The following PHGDH variants were observed in gnomAD, a reference collection of about 807,000 sequenced individuals.
PHGDH encodes the protein D-3-phosphoglycerate dehydrogenase.
In PHGDH, 50 loss-of-function variants were observed where a neutral mutation model predicts 52.6. The ratio of observed to expected loss-of-function variants is 0.95; its 90% CI spans 0.76 to 1.20. The LOEUF (loss-of-function observed/expected upper bound fraction) is 1.20, where lower values mean the gene tolerates loss of function less well. Ranked by LOEUF, PHGDH falls within the 50% of genes most tolerant of loss-of-function variation. The pLI, the probability that PHGDH is intolerant of heterozygous loss-of-function variation, is 0.00. For synonymous variants in PHGDH, 271 were observed against 280.5 expected, an observed-to-expected ratio of 0.97 and a Z score of 0.34; for missense variants, 630 against 684.6, an observed-to-expected ratio of 0.92 and a Z score of 0.89.
At chr1:119,742,083 C>G in intron 10 of PHGDH, 186 bp downstream of exon 10, 1 of 632,168 alleles carries the variant, frequency 1.6e-6, no homozygotes, top group Non-Finnish European at 2.9e-6. Flanking sequence ...CCGAGTGTTG[C>G]TAATGGCACT....
At chr1:119,732,777 C>T (rs958532988) in intron 5 of PHGDH, among the ~76,000 whole-genome samples, 2 of 152,254 alleles carry the variant, frequency 1.3e-5, no homozygotes, top group African/African-American at 2.4e-5. Context: ...GCCCCAGTCA[C>T]CTGTCTGTGG....
chr1:119,735,973 C>T (rs979170154), intron 7 of PHGDH, among the ~76,000 whole-genome samples: 23 of 152,330 alleles, frequency 1.5e-4, no homozygotes, highest in African/African-American at 4.8e-4. Flanking sequence ...GGCTCAGCCT[C>T]ACACCAGATC....
rs776887074 is a variant in PHGDH, at chr1:119,712,173, A to G, written c.138+13A>G. On this transcript the variant is annotated intron_variant, in intron 1 of 11. Coordinates refer to ENST00000641023, the MANE Select transcript of PHGDH (RefSeq NM_006623.4). Reference sequence around the variant, plus strand: ...AGCGGAGCTGCAGGTAAGGCGAGAGAGAGAAAATTGAGGTCTCTAGGGCAA... The same window carrying G: ...AGCGGAGCTGCAGGTAAGGCGAGAGGGAGAAAATTGAGGTCTCTAGGGCAA... The G allele has an allele frequency of 6.2e-7, 1 of 1,613,252 alleles. No homozygotes were observed. The highest frequency in any genetic ancestry group is 8.5e-7 in the Non-Finnish European group (1 of 1,179,600).
At chr1:119,715,496 A>G (rs1212506103) in intron 1 of PHGDH, among the ~76,000 whole-genome samples, 1 of 152,202 alleles carries the variant, frequency 6.6e-6, no homozygotes, top group African/African-American at 2.4e-5. Context: ...TGCCTTCCCT[A>G]TAGCTGGGGA....
At position 119,737,290 on chromosome 1, in the gene PHGDH, G is replaced by A. The variant is rs748533871; in HGVS notation, c.945+24G>A. On this transcript the variant is annotated intron_variant, in intron 8 of 11. Transcript: ENST00000641023. ...TTGTAAGTATCACCACCTGGGGCTG[G>A]GGGCCAGGAGTCAGAGGGAGGAGAG... 5 of 1,601,162 alleles carry A rather than the reference G, an allele frequency of 3.1e-6. No homozygotes were observed. In the African/African-American group the frequency reaches 6.7e-5, roughly 21 times the overall value.
chr1:119,734,578 T>A (rs753206676), intron 5 of PHGDH, 56 bp from the exon 6 acceptor site: 1 of 1,531,950 alleles, frequency 6.5e-7, no homozygotes, highest in Admixed American at 1.7e-5. Flanking sequence ...TTCTTAATAA[T>A]AACAATACTA....
intron 1 of PHGDH, chr1:119,720,144 T>C (rs1651085358): frequency 6.6e-6 from 1 of 152,218 alleles, no homozygotes; most frequent in Non-Finnish European, 1.5e-5. Context: ...GCAAGAATAT[T>C]CTTATTCTGG....
At chr1:119,716,278 C>T (rs989792726) in intron 1 of PHGDH, among the ~76,000 whole-genome samples, 21 of 152,224 alleles carry the variant, frequency 1.4e-4, no homozygotes, top group African/African-American at 4.6e-4. Context: ...TGACTGGGGA[C>T]TCTTAGTTTC....
intron 1 of PHGDH, 84 bp downstream of exon 1, chr1:119,712,244 T>G: frequency 3.6e-6 from 4 of 1,119,646 alleles, no homozygotes; most frequent in East Asian, 3.3e-5. Context: ...CGCGCCCCCC[T>G]CGCATGCACC....
chr1:119,743,374 A>G (rs1249975434), intron 11 of PHGDH, among the ~76,000 whole-genome samples: 7 of 152,180 alleles, frequency 4.6e-5, no homozygotes, highest in Non-Finnish European at 1.0e-4. Flanking sequence ...GCTCAGGGAC[A>G]TTGAGTGCAG....
chr1:119,720,724 T>A, intron 1 of PHGDH: 1 of 244,806 alleles, frequency 4.1e-6, no homozygotes, highest in Non-Finnish European at 8.1e-6. Flanking sequence ...TTTGGATATA[T>A]CAAAATCAGC....
At chr1:119,731,642 A>T (rs1020487399) in intron 5 of PHGDH, among the ~76,000 whole-genome samples, 29 of 152,162 alleles carry the variant, frequency 1.9e-4, no homozygotes, top group Admixed American at 5.2e-4. Flanking sequence ...TTATTATCCC[A>T]GGTTTACAGA....
At chr1:119,715,889 A>G (rs1650911215) in intron 1 of PHGDH, 1 of 152,434 alleles carries the variant, frequency 6.6e-6, no homozygotes, top group African/African-American at 2.4e-5. Context: ...TGGACACTGG[A>G]GAAGTTTTAA....
At chr1:119,724,770 T>A (rs765186951) in intron 3 of PHGDH, 29 of 456,488 alleles carry the variant, frequency 6.4e-5, no homozygotes, top group African/African-American at 4.6e-4. Flanking sequence ...AGCAATACTT[T>A]CCCTCCTTTT....
At chr1:119,730,581 T>C (rs11589332) in intron 5 of PHGDH, among the ~76,000 whole-genome samples, 46,302 of 152,094 alleles carry the variant, frequency 0.3, 7,208 homozygotes, top group East Asian at 0.35. Context: ...GAAAAAAACA[T>C]GTTTATCTCA....
chr1:119,721,626 C>T (rs1272009975), intron 2 of PHGDH: 2 of 319,706 alleles, frequency 6.3e-6, no homozygotes, highest in Non-Finnish European at 1.2e-5. Flanking sequence ...GTTGCTTGCA[C>T]CTCTGTGACC....
intron 6 of PHGDH, 102 bp from the exon 7 acceptor site, chr1:119,735,193 G>C (rs1651876254): frequency 6.7e-7 from 1 of 1,487,634 alleles, no homozygotes; most frequent in African/African-American, 1.4e-5. Context: ...GAGAGGCTCT[G>C]GGAAAGAGCT....
intron 11 of PHGDH, 34 bp downstream of exon 11, chr1:119,743,078 T>C: frequency 2.1e-6 from 3 of 1,404,344 alleles, no homozygotes; most frequent in Non-Finnish European, 3.0e-6. Context: ...GCTGGTGTCC[T>C]TGAGGCTGGG....
chr1:119,742,750 G>A, intron 10 of PHGDH, 57 bp from the exon 11 acceptor site: 2 of 1,047,694 alleles, frequency 1.9e-6, no homozygotes, highest in Non-Finnish European at 2.9e-6. Flanking sequence ...GCCAAGAGAG[G>A]AGGGTGGACG....
Sources: gnomAD v4.1 joint callset for allele counts (sites outside exome capture counted in the v4.1 genomes callset) on GRCh38, gnomAD v4.1.1 for gene constraint, MANE v1.5 for transcripts, NCBI Gene and HGNC (gene_info 2026-07-23, HGNC 2026-07-21) for gene names.